FAM193A: variants seen among roughly 807,000 people sequenced by gnomAD.
The protein encoded by FAM193A is protein FAM193A.
A neutral mutation model predicts 126.5 loss-of-function variants in FAM193A; 22 were observed. The observed-to-expected ratio is 0.17, with a 90% CI of 0.12 to 0.25. The LOEUF is 0.25. Ranked by LOEUF, FAM193A falls within the 10% of genes least tolerant of loss-of-function variation. The pLI, the probability that FAM193A is intolerant of heterozygous loss-of-function variation, is 1.00. For synonymous variants in FAM193A, 761 were observed against 646.8 expected, an observed-to-expected ratio of 1.18 and a Z score of -2.68; for missense variants, 1,675 against 1,672.8, an observed-to-expected ratio of 1.00 and a Z score of -0.02.
At chr4:2,566,870 C>T (rs1463645605) in intron 1 of FAM193A, among the ~76,000 whole-genome samples, 1 of 152,042 alleles carries the variant, frequency 6.6e-6, no homozygotes, top group Admixed American at 6.6e-5. Flanking sequence ...AAATGTGATA[C>T]CTTCTGATTA....
At chr4:2,552,506 G>C (rs572316191) in intron 1 of FAM193A, among the ~76,000 whole-genome samples, 5 of 152,106 alleles carry the variant, frequency 3.3e-5, no homozygotes, top group Admixed American at 6.6e-5. Flanking sequence ...TACTTAAGCT[G>C]TATCCCACAA....
intron 16 of FAM193A, among the ~76,000 whole-genome samples, chr4:2,694,204 A>C (rs1389570522): frequency 1.3e-5 from 2 of 152,116 alleles, no homozygotes; most frequent in African/African-American, 4.8e-5. Context: ...ATCAGAGGAA[A>C]ATGAATGAAA....
In FAM193A at chr4:2,572,841, C is replaced by T. The variant is rs141048908; in HGVS notation, c.256-23243C>T. On this transcript the variant is annotated intron_variant, in intron 1 of 20. Transcript: ENST00000637812. Reference sequence around the variant, plus strand: ...AGAATAGTGGTTTGCTGGATAACAACGGAAGGCAGATAGAAGGCTTTTCTG... The same window carrying T: ...AGAATAGTGGTTTGCTGGATAACAATGGAAGGCAGATAGAAGGCTTTTCTG... 1.9e-4 allele frequency among the ~76,000 whole-genome samples: 28 copies of T among 146,614 alleles called. No homozygotes were observed. In the East Asian group the frequency reaches 5.6e-3, roughly 29 times the overall value.
intron 1 of FAM193A, among the ~76,000 whole-genome samples, chr4:2,591,060 A>T (rs1370362515): frequency 6.6e-6 from 1 of 150,888 alleles, no homozygotes; most frequent in Non-Finnish European, 1.5e-5. Flanking sequence ...GTTGTACAGG[A>T]GTTGTAGTAA....
At chr4:2,626,340 G>C in intron 3 of FAM193A, 70 bp from the exon 4 acceptor site, 2 of 667,370 alleles carry the variant, frequency 3.0e-6, no homozygotes, top group East Asian at 5.5e-5. Flanking sequence ...GGTCCTCTGA[G>C]GACAGTGTGC....
chr4:2,547,540 G>A (rs1737637938), intron 1 of FAM193A, among the ~76,000 whole-genome samples: 1 of 151,610 alleles, frequency 6.6e-6, no homozygotes, highest in African/African-American at 2.4e-5. Context: ...GTGAGCCACC[G>A]CACCCAGCCT....
chr4:2,606,928 ATTGCC>A (rs1308949099), intron 2 of FAM193A, among the ~76,000 whole-genome samples: 2 of 152,192 alleles, frequency 1.3e-5, no homozygotes, highest in South Asian at 2.1e-4. Flanking sequence ...ATAGTGCCAA[ATTGCC>A]TTGAAGTGAC....
At chr4:2,631,294 C>A in intron 5 of FAM193A, 125 bp downstream of exon 5, 1 of 799,138 alleles carries the variant, frequency 1.3e-6, no homozygotes, top group Non-Finnish European at 1.9e-6. Flanking sequence ...TGATAGGCCC[C>A]TCTTCTCTAC....
chr4:2,589,039 G>C (rs938370186), intron 1 of FAM193A, among the ~76,000 whole-genome samples: 1 of 152,226 alleles, frequency 6.6e-6, no homozygotes, highest in Non-Finnish European at 1.5e-5. Context: ...CCATGACAGA[G>C]CAGGGATATG....
Position 2,715,897 on chromosome 4 carries a change from C to A in FAM193A, c.4373-126C>A. On this transcript the variant is annotated intron_variant, in intron 19 of 20. Transcript: ENST00000637812. ...CAAAGAGATCTGTCCTCTAAAATCTCATTTTAGAAAAAATGTTTACAATTT... is the reference window on the plus strand; with the variant it reads ...CAAAGAGATCTGTCCTCTAAAATCTAATTTTAGAAAAAATGTTTACAATTT... 4 of 706,340 alleles carry A rather than the reference C, an allele frequency of 5.7e-6. No homozygotes were observed. In the South Asian group the frequency reaches 6.1e-5, roughly 11 times the overall value. 43.8% of individuals were successfully genotyped at this position (706,340 alleles called of 1,614,324 possible). A position where few individuals can be genotyped will look rare whatever the true frequency, so the allele number is the denominator to read the frequency against.
chr4:2,688,620 A>G (rs1037760549), intron 13 of FAM193A, among the ~76,000 whole-genome samples: 2 of 152,204 alleles, frequency 1.3e-5, no homozygotes, highest in South Asian at 4.1e-4. Flanking sequence ...TTGGGAAGCC[A>G]TTGCTGCATC....
Position 2,709,525 on chromosome 4 carries a change from A to G in FAM193A, c.4373-6498A>G, listed in dbSNP as rs112297272. ...GGCGTTCGAGACAAGCCTGGCCAAC[A>G]TGGTGAAACCCCGTCTCTACTAAAA... On this transcript the variant is annotated intron_variant, in intron 19 of 20. Transcript: ENST00000637812. 2.2e-4 allele frequency among the ~76,000 whole-genome samples: 33 copies of G among 152,314 alleles called. 3 individuals are homozygous for G. The highest frequency in any genetic ancestry group is 7.0e-4 in the African/African-American group (29 of 41,562).
In FAM193A at chr4:2,700,552, C is replaced by A; in HGVS notation, c.4372+8C>A. The A allele has an allele frequency of 1.2e-6, 2 of 1,604,902 alleles. No individual in the cohort carries two copies. The highest frequency in any genetic ancestry group is 2.2e-5 in the South Asian group (2 of 89,890). ...GAGTCAACAATTCAATTGGTAAATACAGAATAGCGGGAAGGTATTTCTGAG... is the reference window on the plus strand; with the variant it reads ...GAGTCAACAATTCAATTGGTAAATAAAGAATAGCGGGAAGGTATTTCTGAG... On this transcript the variant is annotated splice_region_variant and intron_variant, in intron 19 of 20. Coordinates refer to ENST00000637812, the MANE Select transcript of FAM193A (RefSeq NM_001366318.2).
At chr4:2,580,665 C>G (rs541632541) in intron 1 of FAM193A, among the ~76,000 whole-genome samples, 4 of 152,164 alleles carry the variant, frequency 2.6e-5, no homozygotes, top group African/African-American at 9.7e-5. Context: ...GGGCCTCCCC[C>G]CTCTATCTCT....
chr4:2,705,486 T>C (rs1176116787), intron 19 of FAM193A, among the ~76,000 whole-genome samples: 2 of 151,972 alleles, frequency 1.3e-5, no homozygotes, highest in Non-Finnish European at 2.9e-5. Flanking sequence ...TTTATATCCC[T>C]AATATGTTTG....
chr4:2,546,645 T>C (rs1306953740), intron 1 of FAM193A, among the ~76,000 whole-genome samples: 1 of 152,206 alleles, frequency 6.6e-6, no homozygotes, highest in African/African-American at 2.4e-5. Context: ...GTTGTATAAA[T>C]GTACCACAGT....
chr4:2,671,496 G>A (rs577635810), intron 12 of FAM193A, among the ~76,000 whole-genome samples: 2 of 152,208 alleles, frequency 1.3e-5, no homozygotes, highest in African/African-American at 4.8e-5. Context: ...TGGAGTACAG[G>A]TGCAGGAAAT....
intron 1 of FAM193A, among the ~76,000 whole-genome samples, chr4:2,584,802 G>A (rs1454021219): frequency 6.6e-6 from 1 of 152,040 alleles, no homozygotes; most frequent in Non-Finnish European, 1.5e-5. Context: ...GTGTGTGCCT[G>A]TAGTCCCAGC....
At chr4:2,708,933 A>G (rs1055900260) in intron 19 of FAM193A, among the ~76,000 whole-genome samples, 1 of 152,246 alleles carries the variant, frequency 6.6e-6, no homozygotes, top group East Asian at 1.9e-4. Context: ...ACTTAACTGC[A>G]TCTTTTCTGA....
Sources: allele counts gnomAD v4.1 joint callset (sites outside exome capture counted in the v4.1 genomes callset), GRCh38; gene constraint gnomAD v4.1.1; transcripts MANE v1.5; gene names NCBI Gene and HGNC (gene_info 2026-07-23, HGNC 2026-07-21).